Variants in PUS7 observed in about 807,000 individuals in gnomAD.
The protein encoded by PUS7 is pseudouridylate synthase 7 homolog.
In PUS7, 48 loss-of-function variants were observed where a neutral mutation model predicts 79.8. That is an observed-to-expected ratio of 0.60 (90% CI 0.48 to 0.76). PUS7 has a LOEUF of 0.76. Among genes scored for constraint, PUS7 ranks in the 30% least tolerant of loss-of-function variants. The probability of loss-of-function intolerance (pLI) is 0.00; values close to 1 mark genes in which losing one functional copy is unlikely to be tolerated. For synonymous variants in PUS7, 286 were observed against 272.2 expected (o/e 1.05, Z -0.50); for missense variants, 729 against 797.6 (o/e 0.91, Z 1.04).
intron 1 of PUS7, among the ~76,000 whole-genome samples, chr7:105,516,340 G>A (rs2133292682): frequency 6.6e-6 from 1 of 152,252 alleles, no homozygotes; most frequent in South Asian, 2.1e-4. Context: ...AAAGCGGAGA[G>A]CATATTTACT....
chr7:105,501,803 C>A (rs1361214798), intron 5 of PUS7, among the ~76,000 whole-genome samples: 1 of 151,606 alleles, frequency 6.6e-6, no homozygotes, highest in Non-Finnish European at 1.5e-5. Flanking sequence ...AAAATACAAA[C>A]AATTAGCCAG....
intron 1 of PUS7, among the ~76,000 whole-genome samples, chr7:105,509,024 CAAA>C (rs370047811): frequency 0.14 from 19,927 of 141,982 alleles, 1,722 homozygotes; most frequent in South Asian, 0.27. Context: ...ACTAAAAATA[CAAA>C]AAAAAAACTA....
intron 10 of PUS7, 72 bp from the exon 11 acceptor site, chr7:105,470,920 A>G (rs893143038): frequency 1.3e-5 from 19 of 1,415,310 alleles, no homozygotes; most frequent in Non-Finnish European, 1.7e-5. Flanking sequence ...AGTACACTTC[A>G]CAGAGAACAC....
chr7:105,481,215 C>T lies in PUS7; in HGVS notation c.1050-38G>A, dbSNP rs767747499. 1.9e-5 allele frequency: 30 copies of T among 1,578,328 alleles called. 2 individuals are homozygous for T. In the South Asian group the frequency reaches 3.4e-4, roughly 18 times the overall value. ...AAATTATCCAGAGGAAAAAAAGTTA[C>T]AGTCAAATACTCAGGGATGCAGCTC... On this transcript the variant is annotated intron_variant, in intron 8 of 15. Transcript: ENST00000469408.
At chr7:105,496,222 T>TAG (rs1203551594) in intron 5 of PUS7, among the ~76,000 whole-genome samples, 27 of 85,046 alleles carry the variant, frequency 3.2e-4, no homozygotes, top group African/African-American at 9.8e-4. Context: ...TATATATATA[T>TAG]ATATAGAGAG....
intron 9 of PUS7, among the ~76,000 whole-genome samples, chr7:105,477,476 C>T (rs1344595927): frequency 6.6e-6 from 1 of 151,966 alleles, no homozygotes; most frequent in African/African-American, 2.4e-5. Context: ...TCTTGAACTC[C>T]CGACCTCAAG....
rs369582750 is a variant in PUS7, at chr7:105,508,483, C to G, written c.30G>C (p.Ser10=). 4.8e-5 allele frequency: 78 copies of G among 1,613,556 alleles called. No individual in the cohort carries two copies. The highest frequency in any genetic ancestry group is 5.3e-5 in the African/African-American group (4 of 74,888). MEMTEMTGV[S]LKRGALVVED... is the part of the protein sequence containing the mutation. ...CGACAACCAGTGCCCCACGTTTCAG[C>G]GACACACCAGTCATTTCTGTCATCT... The change falls in exon 2 of 16, where the codon TCG becomes TCC. Residue 10 remains serine, a synonymous_variant. Coordinates refer to ENST00000469408, the MANE Select transcript of PUS7 (RefSeq NM_019042.5).
intron 7 of PUS7, among the ~76,000 whole-genome samples, chr7:105,489,813 G>A (rs934182042): frequency 6.6e-6 from 1 of 152,114 alleles, no homozygotes; most frequent in Non-Finnish European, 1.5e-5. Flanking sequence ...ATAAAAAGAT[G>A]AGGAAATTCA....
intron 6 of PUS7, among the ~76,000 whole-genome samples, chr7:105,492,899 T>TC (rs1824857017): frequency 6.6e-6 from 1 of 152,142 alleles, no homozygotes; most frequent in South Asian, 2.1e-4. Flanking sequence ...CGCCTCGGCC[T>TC]CCCAAAGTGC....
chr7:105,510,986 A>G (rs1381407457), intron 1 of PUS7, among the ~76,000 whole-genome samples: 1 of 152,140 alleles, frequency 6.6e-6, no homozygotes, highest in Non-Finnish European at 1.5e-5. Context: ...AAAGCCACCT[A>G]TATAAGCATC....
chr7:105,467,525 G>A (rs371325223), intron 12 of PUS7, among the ~76,000 whole-genome samples: 44 of 151,646 alleles, frequency 2.9e-4, no homozygotes, highest in East Asian at 2.8e-3. Flanking sequence ...TCCTGACCTC[G>A]TGATCTGCCC....
chr7:105,520,988 A>C (rs1212192897), intron 1 of PUS7, among the ~76,000 whole-genome samples: 3 of 152,238 alleles, frequency 2.0e-5, no homozygotes, highest in Non-Finnish European at 2.9e-5. Flanking sequence ...AGCCTGGGCA[A>C]CAAGAGCAAA....
chr7:105,497,021 T>C (rs1825064750), intron 5 of PUS7: 1 of 1,169,354 alleles, frequency 8.6e-7, no homozygotes, highest in African/African-American at 1.6e-5. Context: ...GTTTAATTTA[T>C]AATATTAAAG....
chr7:105,490,090 G>A (rs1415442490), intron 7 of PUS7, among the ~76,000 whole-genome samples: 1 of 149,242 alleles, frequency 6.7e-6, no homozygotes, highest in African/African-American at 2.5e-5. Context: ...TTGCACTCTA[G>A]CCTGGGTGAC....
chr7:105,506,322 A>G (rs772457571), intron 2 of PUS7, 49 bp from the exon 3 acceptor site: 2 of 1,322,740 alleles, frequency 1.5e-6, no homozygotes, highest in South Asian at 2.5e-5. Flanking sequence ...CCTGTTTTCT[A>G]TTAATTTTAA....
At chr7:105,502,346 G>C in intron 5 of PUS7, 74 bp downstream of exon 5, 1 of 1,559,606 alleles carries the variant, frequency 6.4e-7, no homozygotes, top group Non-Finnish European at 8.8e-7. Context: ...GAACACGAAC[G>C]GGCAAGGCTA....
At chr7:105,469,957 T>C (rs1299176980) in intron 11 of PUS7, among the ~76,000 whole-genome samples, 1 of 152,236 alleles carries the variant, frequency 6.6e-6, no homozygotes, top group African/African-American at 2.4e-5. Context: ...CTGGGCTGCA[T>C]GTGGCCCGCA....
chr7:105,507,844 T>C (rs778030054), intron 2 of PUS7, among the ~76,000 whole-genome samples: 3 of 152,112 alleles, frequency 2.0e-5, no homozygotes, highest in African/African-American at 4.8e-5. Context: ...GCCTGGTGAA[T>C]GAATTTATTT....
Position 105,495,223 on chromosome 7 carries a change from C to T in PUS7, c.761G>A (p.Arg254Lys), listed in dbSNP as rs761478623. The T allele has an allele frequency of 3.1e-6, 5 of 1,612,170 alleles. No homozygotes were observed. In the Admixed American group the frequency reaches 6.7e-5, roughly 22 times the overall value. ...TAGTACGAAGTGGCAGTAACTTCCC[C>T]TAGATTTTGGCCAAGAATGTTTTCT... ...NPRKHSWPKS[R>K]GSYCHFVLYK... The change falls in exon 6 of 16, where the codon AGG (arginine) becomes AAG (lysine). Residue 254 changes from arginine to lysine, a missense_variant. By Grantham distance (26) the Arg-to-Lys change is conservative. Coordinates refer to ENST00000469408, the MANE Select transcript of PUS7 (RefSeq NM_019042.5).
Sources: allele counts gnomAD v4.1 joint callset (sites outside exome capture counted in the v4.1 genomes callset), GRCh38; gene constraint gnomAD v4.1.1; transcripts MANE v1.5; gene names NCBI Gene and HGNC (gene_info 2026-07-23, HGNC 2026-07-21).